Variants in DYNLT3 observed in about 807,000 individuals in gnomAD.
DYNLT3 encodes protein 91/23.
Under a neutral mutation model 11.0 loss-of-function variants are expected in DYNLT3, and 4 were observed. The ratio of observed to expected loss-of-function variants is 0.36; its 90% CI spans 0.18 to 0.83. DYNLT3 has a LOEUF of 0.83. Ranked by LOEUF, DYNLT3 falls within the 40% of genes least tolerant of loss-of-function variation. The pLI is 0.47. For synonymous variants in DYNLT3, 37 were observed against 31.2 expected (o/e 1.18, Z -0.61); for missense variants, 91 against 91.1 (o/e 1.00, Z 0.01).
At chrX:37,846,450 T>TA in intron 1 of DYNLT3, 92 bp from the exon 2 acceptor site, 2 of 880,872 alleles carry the variant, frequency 2.3e-6, no homozygotes, top group South Asian at 5.2e-5. Context: ...AGACAGGTGT[T>TA]AAAGTGTTAA....
chrX:37,846,901 C>T (rs2146836713), intron 1 of DYNLT3: 2 of 845,101 alleles, frequency 2.4e-6, no homozygotes, highest in East Asian at 3.4e-5. Context: ...ACAACTTAGT[C>T]TTTTCTTTGG....
chrX:37,845,625 T>C (rs1002528651), intron 2 of DYNLT3, among the ~76,000 whole-genome samples: 21 of 112,617 alleles, frequency 1.9e-4, no homozygotes, highest in African/African-American at 6.4e-4. Flanking sequence ...ATTATACATA[T>C]ACTTTACATT....
At chrX:37,841,944 A>G in intron 2 of DYNLT3, 39 bp from the exon 3 acceptor site, 5 of 1,053,401 alleles carry the variant, frequency 4.7e-6, no homozygotes, top group Admixed American at 6.2e-5. Flanking sequence ...AGTCAGTAAA[A>G]TTGTTCAAAA....
At chrX:37,846,919 A>G (rs1478743636) in intron 1 of DYNLT3, 2 of 974,925 alleles carry the variant, frequency 2.1e-6, no homozygotes, top group African/African-American at 3.8e-5. Flanking sequence ...TGGAGTCCCC[A>G]TCAATAACAG....
In DYNLT3 at chrX:37,841,895, C is replaced by T. The variant is rs200958514; in HGVS notation, c.83G>A (p.Gly28Glu). ...ATTATAATCTTCACCACCTAAAACC[C>T]CATCTACACACTAAAAGGGCACAGA... Reference protein sequence around the residue: ...AHNIVKECVDGVLGGEDYNHN... With the variant: ...AHNIVKECVDEVLGGEDYNHN... The change falls in exon 3 of 5, where the codon GGG (glycine) becomes GAG (glutamate). Residue 28 changes from glycine to glutamate, a missense_variant. Physicochemically the swap from Gly to Glu is moderately conservative, Grantham distance 98. Transcript: ENST00000378578. 4.3e-4 allele frequency: 479 copies of T among 1,120,825 alleles called. 2 individuals are homozygous for T. The highest frequency in any genetic ancestry group is 1.4e-3 in the South Asian group (60 of 42,300). 92.4% of individuals were successfully genotyped at this position (1,120,825 alleles called of 1,213,427 possible).
intron 2 of DYNLT3, among the ~76,000 whole-genome samples, chrX:37,844,249 T>C (rs1569482085): frequency 8.9e-6 from 1 of 112,119 alleles, no homozygotes; most frequent in Non-Finnish European, 1.9e-5. Flanking sequence ...TAATTTGATA[T>C]AATATTAAAG....
At chrX:37,847,120 C>G (rs1390147527) in intron 1 of DYNLT3, 1 of 1,155,740 alleles carries the variant, frequency 8.7e-7, no homozygotes, top group Non-Finnish European at 1.2e-6. Flanking sequence ...CTGAGGAAGC[C>G]AAGGGACGGA....
chrX:37,842,451 A>G (rs1930190352), intron 2 of DYNLT3, among the ~76,000 whole-genome samples: 1 of 110,204 alleles, frequency 9.1e-6, no homozygotes. Context: ...TTATATTCTC[A>G]TTCATACTAT....
intron 4 of DYNLT3, 138 bp from the exon 5 acceptor site, chrX:37,840,789 CAT>C (rs747173927): frequency 0.048 from 10,531 of 217,725 alleles, 5 homozygotes; most frequent in East Asian, 0.095. Flanking sequence ...CACACACACA[CAT>C]ATATATATAT....
In DYNLT3 at chrX:37,841,091, C is replaced by A. The variant is rs1930146664; in HGVS notation, c.211G>T (p.Val71Phe). ...TGAAAGCCATATGCGCTCTTCTGGA[C>A]CACTGCACAGGTCACTGCAAATAAA... ...AYKYIVTCAV[V>F]QKSAYGFHTA... Residue 71 changes from valine (V) to phenylalanine (F), a missense_variant, in exon 4 of 5, where the codon GTC becomes TTC. Val to Phe is a conservative substitution (Grantham distance 50). Transcript: ENST00000378578. The A allele has an allele frequency of 8.3e-7, 1 of 1,208,631 alleles. No homozygotes were observed. The highest frequency in any genetic ancestry group is 1.1e-6 in the Non-Finnish European group (1 of 893,930).
At chrX:37,841,711 C>T in intron 3 of DYNLT3, 71 bp downstream of exon 3, 2 of 1,068,189 alleles carry the variant, frequency 1.9e-6, no homozygotes, top group Non-Finnish European at 2.5e-6. Context: ...GTACATATAC[C>T]TTCTCAAAAT....
chrX:37,842,124 A>G (rs1930179668), intron 2 of DYNLT3, among the ~76,000 whole-genome samples: 1 of 111,720 alleles, frequency 9.0e-6, no homozygotes, highest in East Asian at 2.8e-4. Flanking sequence ...TCACTCTATG[A>G]GATACTATGG....
chrX:37,846,802 C>T (rs1333333608), intron 1 of DYNLT3, among the ~76,000 whole-genome samples: 1 of 111,843 alleles, frequency 8.9e-6, no homozygotes, highest in Non-Finnish European at 1.9e-5. Context: ...GCAAAAATTT[C>T]TAGGCAAAAA....
At chrX:37,843,823 A>G (rs1930216834) in intron 2 of DYNLT3, among the ~76,000 whole-genome samples, 1 of 111,824 alleles carries the variant, frequency 8.9e-6, no homozygotes, top group Admixed American at 9.5e-5. Context: ...ATCAGTAAGG[A>G]AATCAGAAAT....
intron 2 of DYNLT3, 52 bp from the exon 3 acceptor site, chrX:37,841,957 A>G: frequency 9.8e-7 from 1 of 1,017,001 alleles, no homozygotes; most frequent in Non-Finnish European, 1.3e-6. Flanking sequence ...GTTCAAAAAG[A>G]ACAATTTTTA....
At chrX:37,847,401 G>A in intron 1 of DYNLT3, 80 bp downstream of exon 1, 1 of 999,313 alleles carries the variant, frequency 1.0e-6, no homozygotes, top group Non-Finnish European at 1.3e-6. Flanking sequence ...GACCGCCCTC[G>A]CTGGGAGACC....
Position 37,842,710 on chromosome X carries a change from G to A in DYNLT3, c.73-805C>T, listed in dbSNP as rs543322476. 3.0e-4 allele frequency among the ~76,000 whole-genome samples: 34 copies of A among 111,588 alleles called. 1 individual carries two copies. The highest frequency in any genetic ancestry group is 1.5e-3 in the South Asian group (4 of 2,700). The stretch of plus-strand genomic sequence containing the variant: ...AATCCCTATTTTCCTAATCCTTATA[G>A]TAAGGATAACAGCATCATCTTATCA... On this transcript the variant is annotated intron_variant, in intron 2 of 4. Coordinates refer to ENST00000378578, the MANE Select transcript of DYNLT3 (RefSeq NM_006520.3).
chrX:37,846,981 G>A (rs952602523), intron 1 of DYNLT3: 1 of 1,163,866 alleles, frequency 8.6e-7, no homozygotes, highest in Non-Finnish European at 1.1e-6. Context: ...GAAAGCCTGA[G>A]TCAGTAAGCA....
In DYNLT3 at chrX:37,841,208, A is replaced by AAAAC. The variant is rs376760993; in HGVS notation, c.197-107_197-104dup. On this transcript the variant is annotated intron_variant, in intron 3 of 4. Coordinates refer to ENST00000378578, the MANE Select transcript of DYNLT3 (RefSeq NM_006520.3). Reference sequence around the variant, plus strand: ...GCTCTACAAGCCGAAAACAAGACAAAAAACAAACAAACAAACAAAAAACAG... The same window carrying AAAAC: ...GCTCTACAAGCCGAAAACAAGACAAAAAACAAACAAACAAACAAACAAAAAACAG... The AAAAC allele has an allele frequency of 5.7e-5, 36 of 626,400 alleles. No homozygotes were observed. The Middle Eastern group carries it at 1.7e-3, about 30-fold the overall frequency. 51.6% of individuals were successfully genotyped at this position (626,400 alleles called of 1,213,427 possible).
Sources: gnomAD v4.1 joint callset for allele counts (sites outside exome capture counted in the v4.1 genomes callset) on GRCh38, gnomAD v4.1.1 for gene constraint, MANE v1.5 for transcripts, NCBI Gene and HGNC (gene_info 2026-07-23, HGNC 2026-07-21) for gene names.